The following UBR1 variants were observed in gnomAD, a reference collection of about 807,000 sequenced individuals.
UBR1 encodes ubiquitin protein ligase E3 component n-recognin 1.
Under a neutral mutation model 242.1 loss-of-function variants are expected in UBR1, and 102 were observed. The observed-to-expected ratio is 0.42, with a 90% CI of 0.36 to 0.50. UBR1 has a LOEUF of 0.50. UBR1 is among the 20% of genes least tolerant of loss of function. UBR1 has a pLI of 0.01. For synonymous variants in UBR1, 675 were observed against 684.8 expected (o/e 0.99, Z 0.22); for missense variants, 1,772 against 2,101.8 (o/e 0.84, Z 3.07).
intron 46 of UBR1, among the ~76,000 whole-genome samples, chr15:42,946,155 G>A (rs1007116887): frequency 6.6e-6 from 1 of 151,742 alleles, no homozygotes; most frequent in East Asian, 1.9e-4. Flanking sequence ...ATGGAGTTTC[G>A]CTCTTTTTGC....
At chr15:43,062,670 G>T (rs921802033) in intron 6 of UBR1, among the ~76,000 whole-genome samples, 1 of 152,076 alleles carries the variant, frequency 6.6e-6, no homozygotes, top group African/African-American at 2.4e-5. Flanking sequence ...GGAAGGCAGC[G>T]GTGTGATCAA....
At chr15:42,961,234 T>C (rs1009240450) in intron 42 of UBR1, among the ~76,000 whole-genome samples, 1 of 150,412 alleles carries the variant, frequency 6.6e-6, no homozygotes, top group Non-Finnish European at 1.5e-5. Flanking sequence ...TGCCTCAGCA[T>C]CTTCAGTAGC....
At chr15:43,063,633 G>C (rs1043277962) in intron 6 of UBR1, among the ~76,000 whole-genome samples, 1 of 151,968 alleles carries the variant, frequency 6.6e-6, no homozygotes, top group Non-Finnish European at 1.5e-5. Flanking sequence ...CTGAGACCCT[G>C]TCTCTTAAAA....
intron 1 of UBR1, among the ~76,000 whole-genome samples, chr15:43,100,706 G>A (rs1351492481): frequency 6.6e-6 from 1 of 152,124 alleles, no homozygotes; most frequent in Non-Finnish European, 1.5e-5. Flanking sequence ...ATGGTGGCAT[G>A]CCCCTGTAGT....
chr15:43,012,090 G>A (rs1204957542), intron 29 of UBR1, among the ~76,000 whole-genome samples: 1 of 152,122 alleles, frequency 6.6e-6, no homozygotes, highest in African/African-American at 2.4e-5. Flanking sequence ...AGCCAGGCGT[G>A]GTGGCGGGCG....
intron 29 of UBR1, among the ~76,000 whole-genome samples, chr15:43,010,681 A>G (rs1567124433): frequency 6.6e-6 from 1 of 151,904 alleles, no homozygotes. Flanking sequence ...AAATATAACT[A>G]TGTAATTTGG....
chr15:42,970,698 C>A, intron 39 of UBR1, 91 bp from the exon 40 acceptor site: 1 of 1,178,808 alleles, frequency 8.5e-7, no homozygotes, highest in Non-Finnish European at 1.2e-6. Context: ...CAATAAACAA[C>A]GTAGATTCAT....
chr15:43,063,767 T>C (rs1419837622), intron 6 of UBR1, among the ~76,000 whole-genome samples: 2 of 152,104 alleles, frequency 1.3e-5, no homozygotes, highest in African/African-American at 4.8e-5. Flanking sequence ...CGTTCATCGT[T>C]GCCCAGGCTG....
chr15:43,046,930 C>T (rs186701616), intron 14 of UBR1, among the ~76,000 whole-genome samples: 14 of 152,180 alleles, frequency 9.2e-5, no homozygotes, highest in Admixed American at 7.2e-4. Flanking sequence ...TACATACATA[C>T]ACATGTATAA....
intron 28 of UBR1, 117 bp downstream of exon 28, chr15:43,016,978 T>C (rs2033033934): frequency 2.7e-6 from 2 of 737,874 alleles, no homozygotes; most frequent in Non-Finnish European, 4.8e-6. Context: ...ACAGATCTCA[T>C]ATACTTCACA....
At chr15:43,084,104 G>A (rs752572990) in intron 2 of UBR1, among the ~76,000 whole-genome samples, 3 of 152,100 alleles carry the variant, frequency 2.0e-5, no homozygotes, top group Non-Finnish European at 2.9e-5. Context: ...AATATAGGTT[G>A]TCTAATAATA....
intron 27 of UBR1, 133 bp from the exon 28 acceptor site, chr15:43,017,314 G>A: frequency 9.0e-6 from 6 of 663,182 alleles, no homozygotes; most frequent in Admixed American, 6.9e-5. Context: ...AATATATGAA[G>A]AAAAAAAGTG....
Position 42,988,887 on chromosome 15 carries a change from G to A in UBR1, c.3929C>T (p.Pro1310Leu). 1.2e-6 allele frequency: 2 copies of A among 1,614,134 alleles called. No homozygotes were observed. Among genetic ancestry groups the A allele is most frequent in the Non-Finnish European group, 1.7e-6 (2 of 1,180,002 alleles). The change falls in exon 35 of 47, where the codon CCT (proline) becomes CTT (leucine). Residue 1310 changes from proline (P) to leucine (L), a missense_variant. Transcript: ENST00000290650. ...GGGGACTCGAGGATCCCTTTCATCA[G>A]GTGGCACTTTCAATCCAATTCTATA... ...TIYRIGLKVP[P>L]DERDPRVPML...
chr15:42,946,109 G>A (rs988736139), intron 46 of UBR1, among the ~76,000 whole-genome samples: 3 of 152,044 alleles, frequency 2.0e-5, no homozygotes, highest in Non-Finnish European at 4.4e-5. Context: ...TCAGCTGGTT[G>A]GGGATTTTTT....
chr15:42,984,121 T>G (rs112536420), intron 36 of UBR1, 128 bp from the exon 37 acceptor site: 18 of 524,108 alleles, frequency 3.4e-5, no homozygotes, highest in African/African-American at 3.3e-4. Flanking sequence ...ATATACCTTA[T>G]ATCATTGCAA....
At chr15:43,022,907 G>T in intron 25 of UBR1, 106 bp from the exon 26 acceptor site, 1 of 677,452 alleles carries the variant, frequency 1.5e-6, no homozygotes, top group Non-Finnish European at 2.4e-6. Flanking sequence ...CTGTCACCCA[G>T]GTTGGAGTGC....
chr15:43,079,606 CG>C (rs1174580450), intron 3 of UBR1, among the ~76,000 whole-genome samples: 2 of 151,964 alleles, frequency 1.3e-5, no homozygotes, highest in African/African-American at 4.8e-5. Flanking sequence ...GGTGAAACCC[CG>C]TCTCTACTAA....
chr15:42,947,524 T>A (rs2031758456), intron 46 of UBR1, among the ~76,000 whole-genome samples: 1 of 151,994 alleles, frequency 6.6e-6, no homozygotes, highest in Admixed American at 6.6e-5. Context: ...TGATTGTATA[T>A]CTAGAAAACC....
At chr15:43,059,261 C>T in intron 8 of UBR1, 69 bp from the exon 9 acceptor site, 7 of 1,398,848 alleles carry the variant, frequency 5.0e-6, no homozygotes, top group Non-Finnish European at 7.0e-6. Flanking sequence ...AGATGAGTCT[C>T]ACTCTGTTGC....
Sources: allele counts gnomAD v4.1 joint callset (sites outside exome capture counted in the v4.1 genomes callset), GRCh38; gene constraint gnomAD v4.1.1; transcripts MANE v1.5; gene names NCBI Gene and HGNC (gene_info 2026-07-23, HGNC 2026-07-21).